The following SOX30 variants were observed in gnomAD, a reference collection of about 807,000 sequenced individuals.
SOX30 encodes transcription factor SOX-30.
A neutral mutation model predicts 58.6 loss-of-function variants in SOX30; 17 were observed. The observed-to-expected ratio is 0.29, with a 90% CI of 0.20 to 0.44. SOX30 has a LOEUF of 0.44. Among genes scored for constraint, SOX30 ranks in the 20% least tolerant of loss-of-function variants. The pLI, the probability that SOX30 is intolerant of heterozygous loss-of-function variation, is 1.00. For missense variants in SOX30, 951 were observed against 965.8 expected (o/e 0.98, Z 0.20); for synonymous variants, 421 against 400.2 (o/e 1.05, Z -0.62).
chr5:157,658,007 C>T (rs568502764), intron 2 of SOX30, among the ~76,000 whole-genome samples: 1 of 152,266 alleles, frequency 6.6e-6, no homozygotes, highest in Non-Finnish European at 1.5e-5. Context: ...GGTTTCTGAC[C>T]TGTGGTAAGT....
At chr5:157,636,518 A>C (rs1758930134) in intron 4 of SOX30, among the ~76,000 whole-genome samples, 1 of 152,214 alleles carries the variant, frequency 6.6e-6, no homozygotes, top group Non-Finnish European at 1.5e-5. Flanking sequence ...ATACTTATTA[A>C]GGCTGCAAAA....
chr5:157,669,536 G>A (rs990430007), intron 1 of SOX30, among the ~76,000 whole-genome samples: 3 of 120,602 alleles, frequency 2.5e-5, no homozygotes, highest in East Asian at 2.6e-4. Context: ...ATTTATCTGA[G>A]ACAAAGTATT....
At chr5:157,664,528 G>A (rs1324381398) in intron 2 of SOX30, among the ~76,000 whole-genome samples, 3 of 152,282 alleles carry the variant, frequency 2.0e-5, no homozygotes, top group Admixed American at 6.5e-5. Context: ...CAGGACATAG[G>A]CGTGGGCAAG....
In SOX30 at chr5:157,627,465, T is replaced by TG. The variant is rs777291173; in HGVS notation, c.1881-745dup. 1.4e-4 allele frequency among the ~76,000 whole-genome samples: 21 copies of TG among 152,164 alleles called. No individual in the cohort carries two copies. In the East Asian group the frequency reaches 3.3e-3, roughly 24 times the overall value. On this transcript the variant is annotated intron_variant, in intron 4 of 4. Transcript: ENST00000265007. ...GTGGTATTTGAAAGGAAGCTCATGT[T>TG]GGGGGGGAAATGTATAACTAGATTG...
At chr5:157,646,931 A>G (rs1299446153) in intron 2 of SOX30, 115 bp from the exon 3 acceptor site, 3 of 750,568 alleles carry the variant, frequency 4.0e-6, no homozygotes, top group Non-Finnish European at 6.7e-6. Context: ...TATTGTCTAA[A>G]GTATCTTTTC....
At chr5:157,658,764 G>A (rs541052023) in intron 2 of SOX30, among the ~76,000 whole-genome samples, 1 of 152,320 alleles carries the variant, frequency 6.6e-6, no homozygotes, top group East Asian at 1.9e-4. Flanking sequence ...TGTCAGGCGT[G>A]TGAACCAGAG....
At chr5:157,633,771 T>C (rs1336008731) in intron 4 of SOX30, among the ~76,000 whole-genome samples, 1 of 152,162 alleles carries the variant, frequency 6.6e-6, no homozygotes, top group Non-Finnish European at 1.5e-5. Context: ...TTCTTTGAAC[T>C]TACTTTCCCT....
intron 2 of SOX30, among the ~76,000 whole-genome samples, chr5:157,665,394 A>G (rs991380909): frequency 1.3e-5 from 2 of 152,196 alleles, no homozygotes; most frequent in Admixed American, 6.5e-5. Context: ...TGGGAATTGA[A>G]TAATGAGAAC....
upstream of SOX30, among the ~76,000 whole-genome samples, chr5:157,655,812 T>C (rs116403119): frequency 8.6e-3 from 1,305 of 152,350 alleles, 14 homozygotes; most frequent in African/African-American, 0.029. Context: ...TTTTGATTAA[T>C]GGAAGAAAGG....
intron 1 of SOX30, among the ~76,000 whole-genome samples, chr5:157,649,919 T>C (rs551852679): frequency 2.0e-5 from 3 of 152,142 alleles, no homozygotes; most frequent in Admixed American, 2.0e-4. Context: ...AAGTAATTTT[T>C]TTGAAAGTCA....
exon 2 of SOX30, chr5:157,667,805 G>T (rs919461297): frequency 2.0e-6 from 3 of 1,535,128 alleles, no homozygotes; most frequent in Non-Finnish European, 1.7e-6. Context: ...AACCTTGCTG[G>T]ATGCACAGTA....
intron 2 of SOX30, among the ~76,000 whole-genome samples, chr5:157,662,216 T>C (rs2113858240): frequency 6.6e-6 from 1 of 152,292 alleles, no homozygotes; most frequent in East Asian, 1.9e-4. Flanking sequence ...ATCCCAATTT[T>C]GGTAATTTCT....
At chr5:157,628,126 G>A (rs893529450) in intron 4 of SOX30, among the ~76,000 whole-genome samples, 4 of 152,120 alleles carry the variant, frequency 2.6e-5, no homozygotes, top group Non-Finnish European at 2.9e-5. Context: ...GCCAGCCTGG[G>A]CAATATAGTG....
At chr5:157,636,303 A>G (rs377267368) in intron 4 of SOX30, among the ~76,000 whole-genome samples, 1 of 152,064 alleles carries the variant, frequency 6.6e-6, no homozygotes, top group African/African-American at 2.4e-5. Context: ...TCAAGATTCT[A>G]ACTAAGGCCA....
intron 2 of SOX30, among the ~76,000 whole-genome samples, chr5:157,660,448 A>ATAAAG (rs1374002119): frequency 6.8e-6 from 1 of 146,232 alleles, no homozygotes; most frequent in Admixed American, 7.1e-5. Flanking sequence ...ATAAAATAAA[A>ATAAAG]TAAAGTAAAG....
At chr5:157,664,627 T>G (rs940343810) in intron 2 of SOX30, among the ~76,000 whole-genome samples, 2 of 152,208 alleles carry the variant, frequency 1.3e-5, no homozygotes, top group African/African-American at 4.8e-5. Flanking sequence ...AAAGAGCTTC[T>G]GCACATCAAA....
intron 2 of SOX30, among the ~76,000 whole-genome samples, chr5:157,665,902 T>A (rs1371895839): frequency 8.9e-6 from 1 of 112,504 alleles, no homozygotes; most frequent in Admixed American, 8.0e-5. Flanking sequence ...GGATATTCCC[T>A]TTTTTTTTTT....
chr5:157,641,694 C>T (rs899760430), intron 3 of SOX30, among the ~76,000 whole-genome samples: 1 of 152,138 alleles, frequency 6.6e-6, no homozygotes, highest in Non-Finnish European at 1.5e-5. Flanking sequence ...TCTATACTTG[C>T]TACGACTACC....
chr5:157,644,088 A>G (rs1467138229), intron 3 of SOX30, among the ~76,000 whole-genome samples: 4 of 152,236 alleles, frequency 2.6e-5, no homozygotes, highest in Non-Finnish European at 5.9e-5. Flanking sequence ...GTTAAGGTGT[A>G]TATCTTAATA....
Sources: gnomAD v4.1 joint callset for allele counts (sites outside exome capture counted in the v4.1 genomes callset) on GRCh38, gnomAD v4.1.1 for gene constraint, MANE v1.5 for transcripts, NCBI Gene and HGNC (gene_info 2026-07-23, HGNC 2026-07-21) for gene names.